Variants in SETBP1 observed in about 807,000 individuals in gnomAD.
SETBP1 encodes SET binding protein 1, also known as SET-binding protein.
In SETBP1, 9 loss-of-function variants were observed where a neutral mutation model predicts 101.0. The ratio of observed to expected loss-of-function variants is 0.09; its 90% confidence interval spans 0.05 to 0.16. SETBP1 has a LOEUF of 0.16. SETBP1 is among the 10% of genes least tolerant of loss of function. SETBP1 has a pLI of 1.00. For synonymous variants in SETBP1, 818 were observed against 788.5 expected, an observed-to-expected ratio of 1.04 and a Z score of -0.63; for missense variants, 1,858 against 2,033.8, an observed-to-expected ratio of 0.91 and a Z score of 1.66.
At chr18:44,924,579 G>A (rs902347887) in intron 3 of SETBP1, among the ~76,000 whole-genome samples, 10 of 152,108 alleles carry the variant, frequency 6.6e-5, no homozygotes, top group African/African-American at 1.9e-4. Flanking sequence ...CTAGAAACCA[G>A]GTTTGTTAAT....
chr18:44,772,676 T>C (rs752722072), intron 2 of SETBP1, among the ~76,000 whole-genome samples: 9 of 152,220 alleles, frequency 5.9e-5, no homozygotes, highest in Non-Finnish European at 8.8e-5. Flanking sequence ...ACTGAACTGG[T>C]TTGAATCCAG....
chr18:44,713,421 C>A (rs1452222388), intron 2 of SETBP1, among the ~76,000 whole-genome samples: 3 of 152,140 alleles, frequency 2.0e-5, no homozygotes, highest in Non-Finnish European at 4.4e-5. Flanking sequence ...CTTTTATAGC[C>A]TAGATATTTC....
chr18:44,917,986 A>G (rs558650794), intron 3 of SETBP1, among the ~76,000 whole-genome samples: 22 of 152,206 alleles, frequency 1.4e-4, no homozygotes, highest in Admixed American at 9.8e-4. Context: ...GTGCCCTTAA[A>G]TGGACTTGTT....
At chr18:44,728,123 G>T (rs1486655709) in intron 2 of SETBP1, among the ~76,000 whole-genome samples, 1 of 152,192 alleles carries the variant, frequency 6.6e-6, no homozygotes, top group East Asian at 1.9e-4. Flanking sequence ...AATTCTGAGA[G>T]ACAGAATAAT....
intron 3 of SETBP1, among the ~76,000 whole-genome samples, chr18:44,943,052 G>T (rs1052506895): frequency 2.0e-5 from 3 of 152,272 alleles, no homozygotes; most frequent in Admixed American, 2.0e-4. Context: ...TAAGATCATG[G>T]TACTAAAAAG....
At chr18:44,941,076 A>AATTTTTTT (rs1568228554) in intron 3 of SETBP1, among the ~76,000 whole-genome samples, 1 of 124,940 alleles carries the variant, frequency 8.0e-6, no homozygotes, top group African/African-American at 2.9e-5. Flanking sequence ...GAGAAGTCAG[A>AATTTTTTT]CTTTTTTTTT....
intron 2 of SETBP1, among the ~76,000 whole-genome samples, chr18:44,758,492 C>G (rs1284794889): frequency 6.6e-6 from 1 of 151,874 alleles, no homozygotes; most frequent in Non-Finnish European, 1.5e-5. Context: ...AGGCGATTCT[C>G]CTGCCTCAGC....
Position 44,852,362 on chromosome 18 carries a change from C to T in SETBP1, c.487-16868C>T, listed in dbSNP as rs1441857753. 2.0e-5 allele frequency among the ~76,000 whole-genome samples: 3 copies of T among 152,176 alleles called. No individual in the cohort carries two copies. The East Asian group carries it at 5.8e-4, about 29-fold the overall frequency. On this transcript the variant is annotated intron_variant, in intron 2 of 5. Coordinates refer to ENST00000649279, the MANE Select transcript of SETBP1 (RefSeq NM_015559.3). ...TACATGCTATACTCTGGCAGTTGTG[C>T]CCCCACGTTCTGCACCATTGCTGCA...
At chr18:44,982,598 C>G (rs1012784536) in intron 4 of SETBP1, among the ~76,000 whole-genome samples, 1 of 152,100 alleles carries the variant, frequency 6.6e-6, no homozygotes, top group South Asian at 2.1e-4. Flanking sequence ...GAGTGATAAG[C>G]GAAGTAGTCA....
At chr18:45,018,206 G>A (rs1488988132) in intron 4 of SETBP1, among the ~76,000 whole-genome samples, 1 of 152,128 alleles carries the variant, frequency 6.6e-6, no homozygotes, top group Non-Finnish European at 1.5e-5. Flanking sequence ...AAGGGGAAAT[G>A]GAATAATAAA....
At chr18:44,741,188 C>G (rs1230286318) in intron 2 of SETBP1, among the ~76,000 whole-genome samples, 1 of 152,106 alleles carries the variant, frequency 6.6e-6, no homozygotes, top group Non-Finnish European at 1.5e-5. Context: ...CTAAGGGCAC[C>G]AAGATCAAAG....
At position 44,719,613 on chromosome 18, in the gene SETBP1, G is replaced by T. The variant is rs367772134; in HGVS notation, c.486+17781G>T. On this transcript the variant is annotated intron_variant, in intron 2 of 5. Coordinates refer to ENST00000649279, the MANE Select transcript of SETBP1 (RefSeq NM_015559.3). The stretch of plus-strand genomic sequence containing the variant: ...CTATAAGCAGAGAGGGGCTGCTCCA[G>T]TCTGGCCAGCTGTGCCCCACTCCAC... Among the ~76,000 whole-genome samples the T allele has an allele frequency of 1.9e-4, 29 of 152,338 alleles. No individual in the cohort carries two copies. The East Asian group carries it at 5.4e-3, about 28-fold the overall frequency.
At chr18:44,934,798 G>A (rs1483309398) in intron 3 of SETBP1, among the ~76,000 whole-genome samples, 2 of 152,144 alleles carry the variant, frequency 1.3e-5, no homozygotes, top group Non-Finnish European at 2.9e-5. Context: ...GACCCCATTT[G>A]TGCTGGCTCA....
intron 2 of SETBP1, among the ~76,000 whole-genome samples, chr18:44,792,899 C>T (rs767098298): frequency 3.3e-5 from 5 of 152,114 alleles, no homozygotes; most frequent in African/African-American, 7.2e-5. Flanking sequence ...CCAAGTCAGC[C>T]GAGAGTTATT....
chr18:45,061,310 T>A (rs1366627392), intron 5 of SETBP1, among the ~76,000 whole-genome samples: 1 of 152,224 alleles, frequency 6.6e-6, no homozygotes, highest in Non-Finnish European at 1.5e-5. Flanking sequence ...AAATCTCTTT[T>A]ATATACAAGG....
At chr18:45,042,681 C>A (rs1407256914) in intron 5 of SETBP1, among the ~76,000 whole-genome samples, 1 of 152,086 alleles carries the variant, frequency 6.6e-6, no homozygotes, top group African/African-American at 2.4e-5. Context: ...TTATATGGGT[C>A]CCCCAATTTT....
intron 2 of SETBP1, among the ~76,000 whole-genome samples, chr18:44,854,029 C>A (rs899052454): frequency 2.0e-5 from 3 of 152,102 alleles, no homozygotes; most frequent in Non-Finnish European, 4.4e-5. Context: ...ATTACTTTTT[C>A]TTGAACTTAT....
chr18:44,902,232 TTCTCTC>T (rs58150833), intron 3 of SETBP1, among the ~76,000 whole-genome samples: 8 of 149,684 alleles, frequency 5.3e-5, no homozygotes, highest in South Asian at 4.2e-4. Context: ...ATCTCTCTCT[TTCTCTC>T]TCTCTCTCTC....
chr18:44,887,580 C>T (rs184466432), intron 3 of SETBP1, among the ~76,000 whole-genome samples: 1 of 152,302 alleles, frequency 6.6e-6, no homozygotes, highest in African/African-American at 2.4e-5. Context: ...GGGCTTTTCT[C>T]TGTTCTCAAC....
Sources: allele counts gnomAD v4.1 joint callset (sites outside exome capture counted in the v4.1 genomes callset), GRCh38; gene constraint gnomAD v4.1.1; transcripts MANE v1.5; gene names NCBI Gene and HGNC (gene_info 2026-07-23, HGNC 2026-07-21).